The following NSA2 variants were observed in gnomAD, a reference collection of about 807,000 sequenced individuals.
NSA2 encodes the protein NSA2 ribosome biogenesis factor, also known as ribosome biogenesis protein NSA2 homolog.
A neutral mutation model predicts 34.8 loss-of-function variants in NSA2; 18 were observed. The observed-to-expected ratio is 0.52, with a 90% CI of 0.36 to 0.77. The LOEUF is 0.77. Ranked by LOEUF, NSA2 falls within the 30% of genes least tolerant of loss-of-function variation. The pLI is 0.00. For missense variants in NSA2, 188 were observed against 314.7 expected (o/e 0.60, Z 3.05); for synonymous variants, 79 against 100.2 (o/e 0.79, Z 1.26).
chr5:74,770,523 G>T (rs1744882308), intron 3 of NSA2, 108 bp from the exon 4 acceptor site: 1 of 902,486 alleles, frequency 1.1e-6, no homozygotes, highest in East Asian at 2.6e-5. Flanking sequence ...TGTGTTGATG[G>T]TCAAGCAAAA....
At chr5:74,772,861 C>G (rs1232583309) in intron 4 of NSA2, among the ~76,000 whole-genome samples, 1 of 152,138 alleles carries the variant, frequency 6.6e-6, no homozygotes, top group Non-Finnish European at 1.5e-5. Flanking sequence ...TTCCCCCCAT[C>G]CCCATGCACA....
intron 4 of NSA2, among the ~76,000 whole-genome samples, chr5:74,773,213 T>A (rs112706682): frequency 4.6e-5 from 7 of 152,192 alleles, no homozygotes; most frequent in African/African-American, 9.6e-5. Context: ...GTTATTGTGT[T>A]TAAGTGAGCC....
At chr5:74,774,669 T>C (rs539296902) in intron 5 of NSA2, among the ~76,000 whole-genome samples, 1 of 152,144 alleles carries the variant, frequency 6.6e-6, no homozygotes, top group South Asian at 2.1e-4. Context: ...AAGTTATAAC[T>C]AAGAAATATT....
intron 5 of NSA2, 119 bp downstream of exon 5, chr5:74,774,179 C>G (rs1159499334): frequency 5.2e-6 from 3 of 576,238 alleles, no homozygotes; most frequent in Non-Finnish European, 9.1e-6. Flanking sequence ...AGCTAAAACA[C>G]TGTAAATCAG....
chr5:74,776,583 T>G, intron 5 of NSA2, 21 bp from the exon 6 acceptor site: 2 of 1,390,450 alleles, frequency 1.4e-6, no homozygotes, highest in African/African-American at 2.8e-5. Context: ...CTTTTCCCTT[T>G]TTTGGTTTTG....
rs1378648973 is a variant in NSA2 at position 74,779,147 on chromosome 5, A to G, written c.*2476A>G. The G allele has an allele frequency of 6.6e-6, 1 of 152,134 alleles. No individual in the cohort carries two copies. The highest frequency in any genetic ancestry group is 1.5e-5 in the Non-Finnish European group (1 of 67,976). The allele number at this position is 152,134 out of a possible 1,614,324, so 9.4% of individuals were successfully genotyped here. On this transcript the variant is annotated 3_prime_UTR_variant, in exon 6 of 6. Coordinates refer to ENST00000610426, the MANE Select transcript of NSA2 (RefSeq NM_014886.6). Reference sequence around the variant, plus strand: ...ATTGTTTACAATTCACTTACTATTTAACCCAAACAAGTTTAACAAGAATAA... The same window carrying G: ...ATTGTTTACAATTCACTTACTATTTGACCCAAACAAGTTTAACAAGAATAA...
At position 74,779,590 on chromosome 5, in the gene NSA2, A is replaced by AT. The variant is rs1225888104; in HGVS notation, c.*2920dup. ...TCATAAAATGTATAAAACAGCATAA[A>AT]TGTTTGGTAGATTCACTAATAGTAG... On this transcript the variant is annotated 3_prime_UTR_variant, in exon 6 of 6. Transcript: ENST00000610426. The AT allele has an allele frequency of 1.3e-5, 2 of 151,990 alleles. No homozygotes were observed. Among genetic ancestry groups the AT allele is most frequent in the Admixed American group, 6.6e-5 (1 of 15,260 alleles). The allele number at this position is 151,990 out of a possible 1,614,324, so 9.4% of individuals were successfully genotyped here. A position where few individuals can be genotyped will look rare whatever the true frequency, so the allele number is the denominator to read the frequency against.
At position 74,778,499 on chromosome 5, in the gene NSA2, A is replaced by G. The variant is rs1745234330; in HGVS notation, c.*1828A>G. 1 of 151,794 alleles carries G rather than the reference A, an allele frequency of 6.6e-6. No homozygotes were observed. The highest frequency in any genetic ancestry group is 6.6e-5 in the Admixed American group (1 of 15,232). 9.4% of individuals were successfully genotyped at this position (151,794 alleles called of 1,614,324 possible). A position where few individuals can be genotyped will look rare whatever the true frequency, so the allele number is the denominator to read the frequency against. On this transcript the variant is annotated 3_prime_UTR_variant, in exon 6 of 6. Transcript: ENST00000610426. Reference sequence around the variant, plus strand: ...TGCTATAAGTAAATCTTTAATGACTAGATGTTTTCCTTACCATCTACACTG... The same window carrying G: ...TGCTATAAGTAAATCTTTAATGACTGGATGTTTTCCTTACCATCTACACTG...
chr5:74,770,848 T>C (rs1744898296), intron 4 of NSA2, 38 bp downstream of exon 4: 3 of 1,383,692 alleles, frequency 2.2e-6, no homozygotes, highest in East Asian at 2.5e-5. Flanking sequence ...GAAATGTTAG[T>C]TGACTTTATT....
At chr5:74,775,099 C>T (rs971339894) in intron 5 of NSA2, among the ~76,000 whole-genome samples, 1 of 151,914 alleles carries the variant, frequency 6.6e-6, no homozygotes, top group Non-Finnish European at 1.5e-5. Context: ...ACCTGTAATC[C>T]CAGCTGCTCC....
At chr5:74,775,835 A>G (rs1177753704) in intron 5 of NSA2, among the ~76,000 whole-genome samples, 1 of 152,092 alleles carries the variant, frequency 6.6e-6, no homozygotes, top group African/African-American at 2.4e-5. Flanking sequence ...TTAGTTTTCT[A>G]CCTTTAGTAC....
rs138704997 is a variant in NSA2, at chr5:74,780,080, T to G, written c.*3409T>G. ...TTATCTTTGGATTCTAATAACCATTTTGTCCATTTTTAAATAAATTACAAA... is the reference window on the plus strand; with the variant it reads ...TTATCTTTGGATTCTAATAACCATTGTGTCCATTTTTAAATAAATTACAAA... On this transcript the variant is annotated 3_prime_UTR_variant, in exon 6 of 6. Coordinates refer to ENST00000610426, the MANE Select transcript of NSA2 (RefSeq NM_014886.6). 3.9e-5 allele frequency: 6 copies of G among 152,360 alleles called. No homozygotes were observed. The East Asian group carries it at 9.6e-4, about 24-fold the overall frequency. The allele number at this position is 152,360 out of a possible 1,614,324, so 9.4% of individuals were successfully genotyped here.
chr5:74,769,289 T>C lies in NSA2; in HGVS notation c.267T>C (p.Tyr89=). ...CACCACAGGGAGCAGTACCTGCCTA[T>C]CTGCTGGACAGAGAGGGACAATCTC... ...EKTPQGAVPA[Y]LLDREGQSRA... The change falls in exon 3 of 6, where the codon TAT becomes TAC. Residue 89 remains tyrosine, a synonymous_variant. Transcript: ENST00000610426. 6.2e-7 allele frequency: 1 copy of C among 1,613,302 alleles called. No homozygotes were observed. The highest frequency in any genetic ancestry group is 2.2e-5 in the East Asian group (1 of 44,864).
At chr5:74,774,611 A>G (rs568038083) in intron 5 of NSA2, among the ~76,000 whole-genome samples, 2 of 152,120 alleles carry the variant, frequency 1.3e-5, no homozygotes, top group African/African-American at 4.8e-5. Context: ...CTCAAAAAAA[A>G]TTTTTTTAAC....
At position 74,769,311 on chromosome 5, in the gene NSA2, T is replaced by C; in HGVS notation, c.289T>C (p.Ser97Pro). 2 of 1,613,324 alleles carry C rather than the reference T, an allele frequency of 1.2e-6. No homozygotes were observed. The highest frequency in any genetic ancestry group is 1.7e-6 in the Non-Finnish European group (2 of 1,179,730). The change falls in exon 3 of 6, where the codon TCT becomes CCT. Residue 97 changes from serine to proline, a missense_variant. Ser to Pro is a moderately conservative substitution (Grantham distance 74). Coordinates refer to ENST00000610426, the MANE Select transcript of NSA2 (RefSeq NM_014886.6). Reference protein sequence around the residue: ...PAYLLDREGQSRAKVLSNMIK... With the variant: ...PAYLLDREGQPRAKVLSNMIK... ...CTATCTGCTGGACAGAGAGGGACAA[T>C]CTCGAGCTAAAGTACTTTCCAATAT...
chr5:74,774,783 A>C (rs1745057377), intron 5 of NSA2, among the ~76,000 whole-genome samples: 1 of 152,234 alleles, frequency 6.6e-6, no homozygotes, highest in South Asian at 2.1e-4. Context: ...CCAATGACTA[A>C]AGATGTCTTC....
chr5:74,769,540 T>C (rs1303542917), intron 3 of NSA2, 176 bp downstream of exon 3: 1 of 487,060 alleles, frequency 2.1e-6, no homozygotes, highest in African/African-American at 2.0e-5. Flanking sequence ...CATAAGGTTT[T>C]AAAATTTAAG....
At chr5:74,773,651 A>T (rs931671493) in intron 4 of NSA2, among the ~76,000 whole-genome samples, 4 of 152,150 alleles carry the variant, frequency 2.6e-5, no homozygotes, top group African/African-American at 9.7e-5. Context: ...AAAGAAAAAG[A>T]AATTCTTAAG....
In NSA2 at chr5:74,778,773, TAA is replaced by T. The variant is rs1370448766; in HGVS notation, c.*2106_*2107del. On this transcript the variant is annotated 3_prime_UTR_variant, in exon 6 of 6. Coordinates refer to ENST00000610426, the MANE Select transcript of NSA2 (RefSeq NM_014886.6). Reference sequence around the variant, plus strand: ...ACAAGGAAATATACACGTATGTACATAAAAAGTGAACTCCCTTCACAAATAAG... The same window carrying T: ...ACAAGGAAATATACACGTATGTACATAAAGTGAACTCCCTTCACAAATAAG... 6.6e-6 allele frequency: 1 copy of T among 152,058 alleles called. No homozygotes were observed. Among genetic ancestry groups the T allele is most frequent in the Non-Finnish European group, 1.5e-5 (1 of 67,904 alleles). 9.4% of individuals were successfully genotyped at this position (152,058 alleles called of 1,614,324 possible). A position where few individuals can be genotyped will look rare whatever the true frequency, so the allele number is the denominator to read the frequency against.
Sources: gnomAD v4.1 joint callset for allele counts (sites outside exome capture counted in the v4.1 genomes callset) on GRCh38, gnomAD v4.1.1 for gene constraint, MANE v1.5 for transcripts, NCBI Gene and HGNC (gene_info 2026-07-23, HGNC 2026-07-21) for gene names.